Variants in COPG2 observed in about 807,000 individuals in gnomAD.
COPG2 encodes the protein coat protein complex I subunit gamma 2, also known as coatomer subunit gamma-2.
In COPG2, 37 loss-of-function variants were observed where a neutral mutation model predicts 46.3. That is an observed-to-expected ratio of 0.80 (90% CI 0.61 to 1.05). The LOEUF is 1.05. COPG2 is among the 50% of genes least tolerant of loss of function. The pLI is 0.00. For missense variants in COPG2, 427 were observed against 387.8 expected, an observed-to-expected ratio of 1.10 and a Z score of -0.85; for synonymous variants, 159 against 129.7, an observed-to-expected ratio of 1.23 and a Z score of -1.53.
chr7:130,648,024 C>T (rs1795653574), intron 5 of COPG2, among the ~76,000 whole-genome samples: 1 of 152,084 alleles, frequency 6.6e-6, no homozygotes, highest in South Asian at 2.1e-4. Context: ...GCCACCGTGC[C>T]CAGCCTATCT....
chr7:130,577,387 C>T (rs1584980286), intron 9 of COPG2, among the ~76,000 whole-genome samples: 2 of 152,278 alleles, frequency 1.3e-5, no homozygotes, highest in African/African-American at 4.8e-5. Context: ...GTTCCCTTTC[C>T]GAGTCAAAGA....
intron 3 of COPG2, among the ~76,000 whole-genome samples, chr7:130,663,735 T>C (rs1048305456): frequency 1.5e-5 from 2 of 131,790 alleles, no homozygotes; most frequent in African/African-American, 5.7e-5. Context: ...CTTTTCTTTT[T>C]TTTTTTTTTT....
At chr7:130,545,453 T>C (rs893280253) in intron 20 of COPG2, among the ~76,000 whole-genome samples, 8 of 152,242 alleles carry the variant, frequency 5.3e-5, no homozygotes, top group East Asian at 1.9e-4. Context: ...CAGGTAAAAT[T>C]TGGAATATCT....
At chr7:130,628,188 T>C (rs1207436857) in intron 5 of COPG2, among the ~76,000 whole-genome samples, 2 of 152,150 alleles carry the variant, frequency 1.3e-5, no homozygotes, top group Non-Finnish European at 2.9e-5. Context: ...CAGTCTGTGG[T>C]CTGGCTAGTT....
chr7:130,667,882 A>G (rs1467581290), intron 1 of COPG2, among the ~76,000 whole-genome samples: 1 of 152,184 alleles, frequency 6.6e-6, no homozygotes, highest in Non-Finnish European at 1.5e-5. Context: ...GCAGTATTTT[A>G]TGTGTTTCTA....
chr7:130,535,597 GGGCCA>G lies in COPG2; in HGVS notation c.2149+12072_2149+12076del, dbSNP rs1411161559. ...ACTTTGTTGCACAGGTGTGAATCTT[GGGCCA>G]GGCTCTTTACTACGGATCCGGCAGG... On this transcript the variant is annotated intron_variant, in intron 20 of 23. Coordinates refer to ENST00000425248, the MANE Select transcript of COPG2 (RefSeq NM_012133.6). Among the ~76,000 whole-genome samples, 447 of 150,556 alleles carry G rather than the reference GGGCCA, an allele frequency of 3.0e-3. 4 individuals are homozygous for G. The highest frequency in any genetic ancestry group is 0.01 in the African/African-American group (422 of 40,810).
At chr7:130,532,571 G>A (rs1023044966) in intron 20 of COPG2, among the ~76,000 whole-genome samples, 14 of 152,060 alleles carry the variant, frequency 9.2e-5, no homozygotes, top group Admixed American at 3.9e-4. Flanking sequence ...GTGAGGAGGA[G>A]GGTGGGGGGA....
chr7:130,648,771 T>A (rs1554458689), intron 5 of COPG2, among the ~76,000 whole-genome samples: 1 of 152,212 alleles, frequency 6.6e-6, no homozygotes, highest in African/African-American at 2.4e-5. Context: ...GGACTGCCCT[T>A]TTGCCCTCAG....
chr7:130,517,708 A>G (rs957762991), intron 20 of COPG2, among the ~76,000 whole-genome samples: 2 of 152,234 alleles, frequency 1.3e-5, no homozygotes, highest in Admixed American at 6.5e-5. Context: ...TGCTATGATA[A>G]TTTAATGCTA....
At chr7:130,636,269 T>C (rs573437048) in intron 5 of COPG2, among the ~76,000 whole-genome samples, 2 of 152,188 alleles carry the variant, frequency 1.3e-5, no homozygotes, top group Non-Finnish European at 2.9e-5. Context: ...GTTAATTTTC[T>C]GTTTCGTTGA....
At chr7:130,595,084 C>T (rs1794502160) in intron 9 of COPG2, among the ~76,000 whole-genome samples, 1 of 152,144 alleles carries the variant, frequency 6.6e-6, no homozygotes, top group African/African-American at 2.4e-5. Context: ...CAGCATTATT[C>T]ATTAATAGCC....
intron 4 of COPG2, among the ~76,000 whole-genome samples, chr7:130,654,472 C>G (rs1795808685): frequency 6.6e-6 from 1 of 151,946 alleles, no homozygotes; most frequent in South Asian, 2.1e-4. Flanking sequence ...TTAAAAAGTG[C>G]TAAAGACAGG....
At chr7:130,620,620 C>T (rs570537456) in intron 5 of COPG2, among the ~76,000 whole-genome samples, 23 of 152,278 alleles carry the variant, frequency 1.5e-4, no homozygotes, top group Non-Finnish European at 2.8e-4. Flanking sequence ...AGTATTTTAG[C>T]AGCACATAAC....
At chr7:130,657,902 TG>T (rs1377546845) in intron 4 of COPG2, among the ~76,000 whole-genome samples, 3 of 152,206 alleles carry the variant, frequency 2.0e-5, no homozygotes, top group African/African-American at 7.2e-5. Flanking sequence ...TACAAAGTGC[TG>T]GCCAGAATGC....
At chr7:130,626,690 C>A (rs1554454342) in intron 5 of COPG2, among the ~76,000 whole-genome samples, 1 of 152,164 alleles carries the variant, frequency 6.6e-6, no homozygotes. Flanking sequence ...TTAACTCTTA[C>A]ACTTAGACCT....
At chr7:130,542,684 C>T (rs1447493391) in intron 20 of COPG2, among the ~76,000 whole-genome samples, 1 of 151,990 alleles carries the variant, frequency 6.6e-6, no homozygotes, top group East Asian at 1.9e-4. Context: ...CACTGGCATA[C>T]CACATGGAAT....
chr7:130,566,636 AG>A (rs1163793663), intron 9 of COPG2, among the ~76,000 whole-genome samples: 1 of 152,150 alleles, frequency 6.6e-6, no homozygotes, highest in Non-Finnish European at 1.5e-5. Flanking sequence ...CTCTGCTTAC[AG>A]GCTGGGGCAA....
intron 9 of COPG2, among the ~76,000 whole-genome samples, chr7:130,592,216 G>A (rs1374486015): frequency 1.3e-5 from 2 of 152,072 alleles, no homozygotes; most frequent in Admixed American, 6.5e-5. Context: ...TGCTCGTTAA[G>A]AGTCATCGCC....
intron 10 of COPG2, 85 bp downstream of exon 10, chr7:130,564,175 A>G (rs1793764567): frequency 2.5e-6 from 1 of 398,220 alleles, no homozygotes; most frequent in African/African-American, 2.1e-5. Flanking sequence ...TTCAGAAAAC[A>G]TTCTTAATAC....
Sources: allele counts gnomAD v4.1 joint callset (sites outside exome capture counted in the v4.1 genomes callset), GRCh38; gene constraint gnomAD v4.1.1; transcripts MANE v1.5; gene names NCBI Gene and HGNC (gene_info 2026-07-23, HGNC 2026-07-21).